CD38: variants seen among roughly 807,000 people sequenced by gnomAD.
CD38 encodes the protein ADP-ribosyl cyclase/cyclic ADP-ribose hydrolase 1.
A neutral mutation model predicts 36.3 loss-of-function variants in CD38; 31 were observed. The observed-to-expected ratio is 0.85, with a 90% confidence interval of 0.64 to 1.15. The LOEUF is 1.15. Among genes scored for constraint, CD38 ranks in the 50% most tolerant of loss-of-function variants. The probability of loss-of-function intolerance (pLI) is 0.00; values close to 1 mark genes in which losing one functional copy is unlikely to be tolerated. For missense variants in CD38, 380 were observed against 371.9 expected (o/e 1.02, Z -0.18); for synonymous variants, 131 against 135.2 (o/e 0.97, Z 0.22).
At chr4:15,806,276 GA>G (rs1461530189) in intron 1 of CD38, among the ~76,000 whole-genome samples, 1 of 152,122 alleles carries the variant, frequency 6.6e-6, no homozygotes, top group Non-Finnish European at 1.5e-5. Flanking sequence ...ACCATCTAGG[GA>G]AATGAGAACT....
At chr4:15,831,918 T>A (rs1420924897) in intron 3 of CD38, among the ~76,000 whole-genome samples, 1 of 152,176 alleles carries the variant, frequency 6.6e-6, no homozygotes, top group African/African-American at 2.4e-5. Context: ...CACCAATAAC[T>A]CTTGGATTTG....
In CD38 at chr4:15,840,485, G is replaced by GGA; in HGVS notation, c.787_788dup (p.Ser264AsnfsTer4). The GGA allele has an allele frequency of 3.1e-6, 5 of 1,606,238 alleles. No homozygotes were observed. The highest frequency in any genetic ancestry group is 4.3e-6 in the Non-Finnish European group (5 of 1,173,534). On this transcript the variant is annotated frameshift_variant, in exon 7 of 8. Transcript: ENST00000226279. LOFTEE classifies it high-confidence loss of function. ...GCCAGGATCCCACCATAAAAGAGCT[G>GGA]GAATCGATTATAAGCAAAAGGAATA...
chr4:15,834,240 G>T lies in CD38; in HGVS notation c.523G>T (p.Asp175Tyr), dbSNP rs141827486. Residue 175 changes from aspartate (D) to tyrosine (Y), a missense_variant, in exon 4 of 8, where the codon GAC becomes TAC. By Grantham distance (160) the Asp-to-Tyr change is radical. Coordinates refer to ENST00000226279, the MANE Select transcript of CD38 (RefSeq NM_001775.4). ...TSKINYQSCP[D>Y]WRKDCSNNPV... ...AGAAATAAACTATCAATCTTGCCCAGACTGGAGAAAGGACTGCAGCAACAA... is the reference window on the plus strand; with the variant it reads ...AGAAATAAACTATCAATCTTGCCCATACTGGAGAAAGGACTGCAGCAACAA... 9.0e-5 allele frequency: 145 copies of T among 1,611,714 alleles called. No homozygotes were observed. Among genetic ancestry groups the T allele is most frequent in the Non-Finnish European group, 6.0e-5 (71 of 1,177,940 alleles).
chr4:15,800,574 T>C (rs1202900425), intron 1 of CD38, among the ~76,000 whole-genome samples: 1 of 152,236 alleles, frequency 6.6e-6, no homozygotes, highest in African/African-American at 2.4e-5. Flanking sequence ...GATCATCTCA[T>C]AGGCTTTTTG....
chr4:15,818,103 G>T (rs188479750), intron 2 of CD38, among the ~76,000 whole-genome samples: 2,723 of 150,770 alleles, frequency 0.018, 83 homozygotes, highest in African/African-American at 0.063. Context: ...AGAACCACTG[G>T]CTTGAAATTC....
intron 1 of CD38, among the ~76,000 whole-genome samples, chr4:15,793,105 T>C (rs1723039302): frequency 6.6e-6 from 1 of 152,076 alleles, no homozygotes; most frequent in Non-Finnish European, 1.5e-5. Context: ...GCTTGGCCAA[T>C]CAGAATCACT....
In CD38 at chr4:15,840,545, A is replaced by G. The variant is rs753081730; in HGVS notation, c.839+7A>G. The G allele has an allele frequency of 2.6e-5, 39 of 1,490,814 alleles. No homozygotes were observed. In the Admixed American group the frequency reaches 3.2e-4, roughly 12 times the overall value. 92.3% of individuals were successfully genotyped at this position (1,490,814 alleles called of 1,614,324 possible). ...CCTGCAAGAATATCTACAGGTAATT[A>G]ATTTCTTCTTGAAGAAAAAAATGAC... On this transcript the variant is annotated splice_region_variant and intron_variant, in intron 7 of 7. Coordinates refer to ENST00000226279, the MANE Select transcript of CD38 (RefSeq NM_001775.4).
At chr4:15,780,195 A>C (rs1722659767) in intron 1 of CD38, among the ~76,000 whole-genome samples, 2 of 152,180 alleles carry the variant, frequency 1.3e-5, no homozygotes, top group Non-Finnish European at 2.9e-5. Flanking sequence ...GCATATTTTA[A>C]GTTTTGATTT....
At chr4:15,799,892 GA>G in intron 1 of CD38, among the ~76,000 whole-genome samples, 1 of 152,122 alleles carries the variant, frequency 6.6e-6, no homozygotes, top group East Asian at 1.9e-4. Flanking sequence ...GGAGGAGGGA[GA>G]AAAGTCTCTT....
chr4:15,834,775 C>T (rs1030603349), intron 4 of CD38, among the ~76,000 whole-genome samples: 3 of 152,112 alleles, frequency 2.0e-5, no homozygotes, highest in African/African-American at 7.2e-5. Flanking sequence ...TACAAGTAAA[C>T]AAGGAATCTA....
chr4:15,792,421 T>TA (rs1388421440), intron 1 of CD38, among the ~76,000 whole-genome samples: 14 of 41,770 alleles, frequency 3.4e-4, no homozygotes, highest in East Asian at 7.5e-4. Context: ...GAATGATCAA[T>TA]AAAAATAAAA....
At chr4:15,787,102 T>G (rs6840069) in intron 1 of CD38, among the ~76,000 whole-genome samples, 110,138 of 152,074 alleles carry the variant, frequency 0.72, 41,280 homozygotes, top group African/African-American at 0.92. Flanking sequence ...ACACCTCCGC[T>G]CAAGCAGAGG....
At chr4:15,802,345 T>G (rs1360106480) in intron 1 of CD38, among the ~76,000 whole-genome samples, 1 of 152,046 alleles carries the variant, frequency 6.6e-6, no homozygotes, top group African/African-American at 2.4e-5. Context: ...ATTAATATTG[T>G]TAAGATTCCA....
intron 1 of CD38, among the ~76,000 whole-genome samples, chr4:15,782,657 T>C (rs1722724570): frequency 6.6e-6 from 1 of 152,246 alleles, no homozygotes; most frequent in African/African-American, 2.4e-5. Context: ...GTGAACGACC[T>C]AATACCATTA....
chr4:15,832,671 G>A (rs575446089), intron 3 of CD38, among the ~76,000 whole-genome samples: 1 of 152,292 alleles, frequency 6.6e-6, no homozygotes, highest in Non-Finnish European at 1.5e-5. Context: ...GGACTTTGCT[G>A]GGTAAGACTT....
intron 1 of CD38, among the ~76,000 whole-genome samples, chr4:15,790,001 C>A (rs1052426645): frequency 6.6e-6 from 1 of 152,166 alleles, no homozygotes; most frequent in Non-Finnish European, 1.5e-5. Flanking sequence ...GTCCTCTTAG[C>A]AAAGACCTAA....
At chr4:15,783,974 G>A (rs1487048802) in intron 1 of CD38, among the ~76,000 whole-genome samples, 1 of 152,188 alleles carries the variant, frequency 6.6e-6, no homozygotes, top group Non-Finnish European at 1.5e-5. Flanking sequence ...GGTGAGACAT[G>A]GGAGATTCAC....
intron 1 of CD38, among the ~76,000 whole-genome samples, chr4:15,789,798 CCT>C (rs146636771): frequency 0.068 from 10,297 of 152,162 alleles, 376 homozygotes; most frequent in African/African-American, 0.076. Context: ...CGTGTGATGC[CCT>C]GTCCTGCCTC....
At chr4:15,783,509 C>G (rs763920178) in intron 1 of CD38, among the ~76,000 whole-genome samples, 2 of 152,144 alleles carry the variant, frequency 1.3e-5, no homozygotes, top group Admixed American at 6.5e-5. Context: ...AAGGTGGGGG[C>G]CCTGTGGGGA....
Sources: gnomAD v4.1 joint callset for allele counts (sites outside exome capture counted in the v4.1 genomes callset) on GRCh38, gnomAD v4.1.1 for gene constraint, MANE v1.5 for transcripts, NCBI Gene and HGNC (gene_info 2026-07-23, HGNC 2026-07-21) for gene names.